The following PPP1R12B variants were observed in gnomAD, a reference collection of about 807,000 sequenced individuals.
The protein encoded by PPP1R12B is protein phosphatase 1 regulatory subunit 12B.
Under a neutral mutation model 126.1 loss-of-function variants are expected in PPP1R12B, and 76 were observed. The ratio of observed to expected loss-of-function variants is 0.60; its 90% CI spans 0.50 to 0.73. The LOEUF is 0.73. Ranked by LOEUF, PPP1R12B falls within the 30% of genes least tolerant of loss-of-function variation. The pLI is 0.00. For missense variants in PPP1R12B, 1,052 were observed against 1,205.1 expected, an observed-to-expected ratio of 0.87 and a Z score of 1.88; for synonymous variants, 356 against 434.7, an observed-to-expected ratio of 0.82 and a Z score of 2.25.
intron 19 of PPP1R12B, among the ~76,000 whole-genome samples, chr1:202,559,728 T>C (rs550800907): frequency 2.0e-5 from 3 of 152,324 alleles, no homozygotes; most frequent in African/African-American, 7.2e-5. Context: ...CTTATTAATA[T>C]ATTCTAATGT....
chr1:202,445,929 T>TA (rs1672172539), intron 12 of PPP1R12B, among the ~76,000 whole-genome samples: 1 of 152,020 alleles, frequency 6.6e-6, no homozygotes, highest in Non-Finnish European at 1.5e-5. Context: ...CTACAACTGA[T>TA]AAAGAAAATG....
rs147017468 is a variant in PPP1R12B at position 202,496,819 on chromosome 1, G to A, written c.2487G>A (p.Thr829=). ...ETDGSEEVKE[T]WHERLSRLES... is the part of the protein sequence containing the mutation. ...ATGGCTCTGAAGAGGTCAAAGAAAC[G>A]TGGGTAAGTGACAAGCCAGTGAAGC... Residue 829 remains threonine, a synonymous_variant, in exon 18 of 24, where the codon ACG becomes ACA. Transcript: ENST00000608999. The A allele has an allele frequency of 3.4e-5, 55 of 1,611,338 alleles. No homozygotes were observed. The highest frequency in any genetic ancestry group is 2.0e-4 in the East Asian group (9 of 44,848).
chr1:202,418,502 T>G (rs1424794408), intron 2 of PPP1R12B, among the ~76,000 whole-genome samples: 1 of 152,156 alleles, frequency 6.6e-6, no homozygotes, highest in Non-Finnish European at 1.5e-5. Flanking sequence ...TTTCTTTAAT[T>G]CGTCTTTATG....
rs1690053394 is a variant in PPP1R12B, at chr1:202,590,244, AG to A, written c.*9687del. On this transcript the variant is annotated 3_prime_UTR_variant, in exon 24 of 24. Coordinates refer to ENST00000608999, the MANE Select transcript of PPP1R12B (RefSeq NM_002481.4). ...GTTCCCTAAGCCCAGCTCTACTGGA[AG>A]GGAATTCAAGAATATAGTCCCCACC... 6.6e-6 allele frequency: 1 copy of A among 152,136 alleles called. No individual in the cohort carries two copies. Among genetic ancestry groups the A allele is most frequent in the African/African-American group, 2.4e-5 (1 of 41,432 alleles). 9.4% of individuals were successfully genotyped at this position (152,136 alleles called of 1,614,324 possible). A position where few individuals can be genotyped will look rare whatever the true frequency, so the allele number is the denominator to read the frequency against.
chr1:202,448,383 T>C (rs1672522201), intron 12 of PPP1R12B: 1 of 152,294 alleles, frequency 6.6e-6, no homozygotes, highest in Non-Finnish European at 1.5e-5. Context: ...TTCTCACTTT[T>C]GCAGTTATGA....
chr1:202,571,832 C>T (rs1688641188), intron 23 of PPP1R12B, among the ~76,000 whole-genome samples: 1 of 152,022 alleles, frequency 6.6e-6, no homozygotes. Flanking sequence ...ATTACAAAGC[C>T]AAATGAAGAA....
At position 202,440,806 on chromosome 1, in the gene PPP1R12B, C is replaced by A; in HGVS notation, c.1541+18C>A. The A allele has an allele frequency of 6.3e-7, 1 of 1,595,878 alleles. No homozygotes were observed. Among genetic ancestry groups the A allele is most frequent in the Non-Finnish European group, 8.6e-7 (1 of 1,163,818 alleles). On this transcript the variant is annotated intron_variant, in intron 11 of 23. Coordinates refer to ENST00000608999, the MANE Select transcript of PPP1R12B (RefSeq NM_002481.4). The stretch of plus-strand genomic sequence containing the variant: ...GAGAACAGGTAATCCTAAAACCAGC[C>A]AAAAGATGGTCCTCATCCTCTTAGG...
intron 1 of PPP1R12B, among the ~76,000 whole-genome samples, chr1:202,364,669 T>G (rs375619165): frequency 1.3e-5 from 2 of 152,108 alleles, no homozygotes; most frequent in Admixed American, 6.5e-5. Flanking sequence ...CTCCGCCTCC[T>G]GGGTTCACGC....
rs1318579408 is a variant in PPP1R12B at position 202,588,214 on chromosome 1, G to GTCTT, written c.*7656_*7659dup. On this transcript the variant is annotated 3_prime_UTR_variant, in exon 24 of 24. Transcript: ENST00000608999. ...TCCCATTTTAGTGGTAGCATTTTGT[G>GTCTT]TCTTTACTCCACCCTTCACCCTAGT... The GTCTT allele has an allele frequency of 2.0e-5, 3 of 152,530 alleles. No individual in the cohort carries two copies. The highest frequency in any genetic ancestry group is 3.9e-4 in the East Asian group (2 of 5,184). The allele number at this position is 152,530 out of a possible 1,614,324, so 9.4% of individuals were successfully genotyped here.
intron 1 of PPP1R12B, among the ~76,000 whole-genome samples, chr1:202,383,849 G>A (rs550212059): frequency 6.6e-6 from 1 of 151,978 alleles, no homozygotes; most frequent in African/African-American, 2.4e-5. Context: ...TTACATTGTT[G>A]TGTGGTAGCC....
chr1:202,507,127 A>G (rs1680898254), intron 18 of PPP1R12B, among the ~76,000 whole-genome samples: 1 of 152,196 alleles, frequency 6.6e-6, no homozygotes, highest in Admixed American at 6.5e-5. Flanking sequence ...CTAAAAATTC[A>G]ACCACCATGT....
chr1:202,408,199 A>T (rs936034584), intron 1 of PPP1R12B, among the ~76,000 whole-genome samples: 2 of 152,028 alleles, frequency 1.3e-5, no homozygotes, highest in Non-Finnish European at 2.9e-5. Context: ...GGGCAAGGGG[A>T]CTTTGAGCTT....
chr1:202,517,865 A>G (rs1448152718), intron 18 of PPP1R12B, among the ~76,000 whole-genome samples: 5 of 152,118 alleles, frequency 3.3e-5, no homozygotes, highest in African/African-American at 1.2e-4. Context: ...ACCTCAGGTG[A>G]TCTGCCTGCG....
intron 23 of PPP1R12B, among the ~76,000 whole-genome samples, chr1:202,573,956 C>T (rs564284816): frequency 4.9e-4 from 75 of 152,220 alleles, no homozygotes; most frequent in African/African-American, 1.7e-3. Context: ...GCATGATTAG[C>T]TGTGAATTTA....
At chr1:202,376,481 G>T (rs1217803050) in intron 1 of PPP1R12B, among the ~76,000 whole-genome samples, 1 of 152,196 alleles carries the variant, frequency 6.6e-6, no homozygotes, top group East Asian at 1.9e-4. Flanking sequence ...CATAGGTATT[G>T]AATCAGCTGG....
intron 18 of PPP1R12B, among the ~76,000 whole-genome samples, chr1:202,516,776 T>C (rs927179695): frequency 1.3e-5 from 2 of 152,210 alleles, no homozygotes; most frequent in Admixed American, 1.3e-4. Flanking sequence ...TTGTTAAGAA[T>C]AGATGGCAGG....
chr1:202,580,347 A>C, intron 23 of PPP1R12B, 127 bp from the exon 24 acceptor site: 1 of 668,454 alleles, frequency 1.5e-6, no homozygotes, highest in Non-Finnish European at 2.7e-6. Flanking sequence ...GGGAGAAGGG[A>C]CCATGAGAGT....
intron 23 of PPP1R12B, among the ~76,000 whole-genome samples, chr1:202,570,646 G>A (rs972618985): frequency 4.6e-5 from 7 of 152,122 alleles, no homozygotes; most frequent in Non-Finnish European, 8.8e-5. Flanking sequence ...CTACCACACA[G>A]AAGTATTCTC....
At chr1:202,426,600 ACTTTAT>A (rs1256420193) in intron 4 of PPP1R12B, among the ~76,000 whole-genome samples, 2 of 152,174 alleles carry the variant, frequency 1.3e-5, no homozygotes, top group African/African-American at 2.4e-5. Flanking sequence ...ATTTTTTTAA[ACTTTAT>A]CTTTATTGTT....
Sources: gnomAD v4.1 joint callset for allele counts (sites outside exome capture counted in the v4.1 genomes callset) on GRCh38, gnomAD v4.1.1 for gene constraint, MANE v1.5 for transcripts, NCBI Gene and HGNC (gene_info 2026-07-23, HGNC 2026-07-21) for gene names.